PCNX1: variants seen among roughly 807,000 people sequenced by gnomAD.
PCNX1 encodes the protein pecanex 1.
In PCNX1, 78 loss-of-function variants were observed where a neutral mutation model predicts 242.2. The ratio of observed to expected loss-of-function variants is 0.32; its 90% confidence interval spans 0.27 to 0.39. The LOEUF is 0.39. PCNX1 is among the 10% of genes least tolerant of loss of function. The pLI is 1.00. For synonymous variants in PCNX1, 1,024 were observed against 1,032.9 expected, an observed-to-expected ratio of 0.99 and a Z score of 0.17; for missense variants, 2,581 against 2,856.5, an observed-to-expected ratio of 0.90 and a Z score of 2.20.
chr14:71,047,180 A>T (rs1398456661), intron 21 of PCNX1, 75 bp downstream of exon 21: 1 of 889,324 alleles, frequency 1.1e-6, no homozygotes. Flanking sequence ...TGTTGATCAA[A>T]TATTAAATAA....
chr14:70,961,594 C>T (rs1040813383), intron 2 of PCNX1, among the ~76,000 whole-genome samples: 2 of 152,240 alleles, frequency 1.3e-5, no homozygotes, highest in Admixed American at 6.5e-5. Flanking sequence ...CTTTCTGTAT[C>T]GTTACTACAT....
intron 22 of PCNX1, among the ~76,000 whole-genome samples, chr14:71,048,831 G>A (rs1227990716): frequency 2.0e-5 from 3 of 152,134 alleles, no homozygotes; most frequent in Non-Finnish European, 4.4e-5. Flanking sequence ...ATAGTAGTCT[G>A]ATCTAGGATG....
At chr14:70,910,065 CCT>C (rs1566808429) in intron 1 of PCNX1, among the ~76,000 whole-genome samples, 3 of 60,780 alleles carry the variant, frequency 4.9e-5, no homozygotes, top group Non-Finnish European at 1.0e-4. Context: ...TCCTCCTCCC[CCT>C]CCTCCTCCTC....
At chr14:70,973,799 A>G (rs2058610660) in intron 5 of PCNX1, among the ~76,000 whole-genome samples, 1 of 152,184 alleles carries the variant, frequency 6.6e-6, no homozygotes, top group Non-Finnish European at 1.5e-5. Flanking sequence ...AAGTATGAAG[A>G]AAAAATTTAG....
chr14:70,967,885 A>G (rs1214226733), intron 3 of PCNX1, among the ~76,000 whole-genome samples: 1 of 152,190 alleles, frequency 6.6e-6, no homozygotes, highest in Non-Finnish European at 1.5e-5. Flanking sequence ...ATGATGTAGT[A>G]TAAAAATGAT....
intron 6 of PCNX1, among the ~76,000 whole-genome samples, chr14:70,984,746 T>G (rs1198577302): frequency 1.3e-5 from 2 of 152,154 alleles, no homozygotes; most frequent in Non-Finnish European, 1.5e-5. Context: ...TTCCAATTTT[T>G]GAGATAGAAT....
intron 16 of PCNX1, 65 bp downstream of exon 16, chr14:71,028,856 A>T (rs2060306728): frequency 4.4e-6 from 4 of 902,724 alleles, no homozygotes; most frequent in Non-Finnish European, 6.9e-6. Flanking sequence ...GTTGTTTTAA[A>T]ATCAACTAAT....
intron 6 of PCNX1, among the ~76,000 whole-genome samples, chr14:70,982,781 TTCTC>T (rs1261762240): frequency 6.6e-6 from 1 of 152,222 alleles, no homozygotes; most frequent in East Asian, 1.9e-4. Context: ...GTGTTTTTCT[TTCTC>T]TCAGCAGTGA....
chr14:70,997,907 T>C (rs181382595), intron 8 of PCNX1, among the ~76,000 whole-genome samples: 1 of 152,334 alleles, frequency 6.6e-6, no homozygotes, highest in Admixed American at 6.5e-5. Flanking sequence ...TACTTTATAC[T>C]CAAATATATT....
chr14:71,087,473 A>G (rs2062022526), intron 28 of PCNX1, among the ~76,000 whole-genome samples: 1 of 152,258 alleles, frequency 6.6e-6, no homozygotes, highest in African/African-American at 2.4e-5. Flanking sequence ...TACCATTGGC[A>G]AAGTTAGAAT....
At chr14:71,021,986 A>G (rs2060115405) in intron 12 of PCNX1, among the ~76,000 whole-genome samples, 1 of 152,148 alleles carries the variant, frequency 6.6e-6, no homozygotes, top group Admixed American at 6.5e-5. Context: ...TTATATCTCA[A>G]AGTCTTCACC....
intron 12 of PCNX1, among the ~76,000 whole-genome samples, chr14:71,021,074 TGTGTG>T (rs1243023056): frequency 6.6e-6 from 1 of 152,172 alleles, no homozygotes; most frequent in African/African-American, 2.4e-5. Context: ...TGGTTGTAGA[TGTGTG>T]GTGTTATTTC....
chr14:71,002,073 G>A (rs1203956598), intron 8 of PCNX1, among the ~76,000 whole-genome samples: 3 of 152,164 alleles, frequency 2.0e-5, no homozygotes, highest in African/African-American at 7.2e-5. Flanking sequence ...CTCTAACTAG[G>A]TGGACAGAAG....
intron 8 of PCNX1, among the ~76,000 whole-genome samples, chr14:71,008,649 C>CTT (rs776807047): frequency 5.9e-5 from 7 of 118,000 alleles, no homozygotes; most frequent in Non-Finnish European, 1.2e-4. Flanking sequence ...GAGCGAGACT[C>CTT]TGTCTCAAAA....
intron 2 of PCNX1, among the ~76,000 whole-genome samples, chr14:70,950,150 A>C (rs1008475278): frequency 1.3e-5 from 2 of 152,162 alleles, no homozygotes; most frequent in African/African-American, 4.8e-5. Flanking sequence ...TTGTTAATTA[A>C]ACACGTATTT....
At chr14:70,986,692 A>G (rs1298579004) in intron 6 of PCNX1, among the ~76,000 whole-genome samples, 1 of 152,218 alleles carries the variant, frequency 6.6e-6, no homozygotes, top group Non-Finnish European at 1.5e-5. Flanking sequence ...TATGGATTAA[A>G]TTATCTTCTA....
At chr14:70,947,364 T>C (rs1178153302) in intron 2 of PCNX1, among the ~76,000 whole-genome samples, 1 of 152,316 alleles carries the variant, frequency 6.6e-6, no homozygotes, top group East Asian at 1.9e-4. Flanking sequence ...AGAACAGTAC[T>C]GTTGCGGGAA....
chr14:70,947,199 T>A, intron 2 of PCNX1, 76 bp downstream of exon 2: 1 of 1,088,254 alleles, frequency 9.2e-7, no homozygotes, highest in Non-Finnish European at 1.4e-6. Flanking sequence ...ATTATTATAT[T>A]GTACTTGTTT....
chr14:70,990,041 G>A (rs990970493), intron 7 of PCNX1, among the ~76,000 whole-genome samples: 4 of 152,088 alleles, frequency 2.6e-5, no homozygotes, highest in African/African-American at 9.7e-5. Context: ...CCCTTCTCTT[G>A]TTAAAACCTT....
Sources: allele counts gnomAD v4.1 joint callset (sites outside exome capture counted in the v4.1 genomes callset), GRCh38; gene constraint gnomAD v4.1.1; transcripts MANE v1.5; gene names NCBI Gene and HGNC (gene_info 2026-07-23, HGNC 2026-07-21).